The following CORIN variants were observed in gnomAD, a reference collection of about 807,000 sequenced individuals.
The protein encoded by CORIN is corin, serine peptidase.
In CORIN, 117 loss-of-function variants were observed where a neutral mutation model predicts 125.3. The observed-to-expected ratio is 0.93, with a 90% CI of 0.80 to 1.09. The LOEUF (loss-of-function observed/expected upper bound fraction) is 1.09. Among genes scored for constraint, CORIN ranks in the 50% least tolerant of loss-of-function variants. The pLI, the probability that CORIN is intolerant of heterozygous loss-of-function variation, is 0.00. For synonymous variants in CORIN, 450 were observed against 466.4 expected, an observed-to-expected ratio of 0.96 and a Z score of 0.45; for missense variants, 1,253 against 1,306.7, an observed-to-expected ratio of 0.96 and a Z score of 0.63.
intron 16 of CORIN, among the ~76,000 whole-genome samples, chr4:47,639,429 C>G (rs145907651): frequency 7.3e-4 from 111 of 152,238 alleles, no homozygotes; most frequent in African/African-American, 2.5e-3. Context: ...TTTGCATCCT[C>G]GACCCAATGC....
At chr4:47,718,820 G>A (rs1339657089) in intron 5 of CORIN, among the ~76,000 whole-genome samples, 1 of 152,152 alleles carries the variant, frequency 6.6e-6, no homozygotes, top group Admixed American at 6.5e-5. Context: ...CTATTCCTTA[G>A]TCCGTGTTGT....
chr4:47,641,991 T>G lies in CORIN; in HGVS notation c.2127A>C (p.Thr709=). Residue 709 remains threonine, a synonymous_variant, in exon 16 of 22, where the codon ACA becomes ACC. Coordinates refer to ENST00000273857, the MANE Select transcript of CORIN (RefSeq NM_006587.4). ...AGCCATCTGCACACACATGGTGTTC[T>G]GTGGCAGCTCTGTGAACCATCAGAA... ...SSFLMVHRAA[T]EHHVCADGWQ... 1 of 1,613,660 alleles carries G rather than the reference T, an allele frequency of 6.2e-7. No homozygotes were observed. The highest frequency in any genetic ancestry group is 1.1e-5 in the South Asian group (1 of 91,062).
chr4:47,704,224 A>C (rs1726445779), intron 5 of CORIN, among the ~76,000 whole-genome samples: 1 of 152,114 alleles, frequency 6.6e-6, no homozygotes, highest in African/African-American at 2.4e-5. Flanking sequence ...TAACAGGGGA[A>C]AAAAAAATTA....
chr4:47,722,461 G>A (rs1231992081), intron 5 of CORIN, among the ~76,000 whole-genome samples: 1 of 152,052 alleles, frequency 6.6e-6, no homozygotes, highest in Non-Finnish European at 1.5e-5. Flanking sequence ...ACCTGCTATG[G>A]CACATGCTCC....
At chr4:47,663,893 A>G (rs1217642501) in intron 11 of CORIN, among the ~76,000 whole-genome samples, 1 of 152,086 alleles carries the variant, frequency 6.6e-6, no homozygotes, top group Non-Finnish European at 1.5e-5. Context: ...TATTCTCTCT[A>G]TTGGTATAAT....
At chr4:47,626,024 T>C (rs778080005) in intron 17 of CORIN, among the ~76,000 whole-genome samples, 6 of 152,230 alleles carry the variant, frequency 3.9e-5, no homozygotes, top group Non-Finnish European at 7.3e-5. Context: ...TATTCCTCTC[T>C]TAGACATTCC....
intron 4 of CORIN, among the ~76,000 whole-genome samples, chr4:47,757,867 C>CATATATTATGTATAT (rs1453930155): frequency 3.4e-4 from 31 of 91,732 alleles, no homozygotes; most frequent in South Asian, 1.0e-3. Flanking sequence ...CATATATATA[C>CATATATTATGTATAT]ATATATATAT....
intron 19 of CORIN, among the ~76,000 whole-genome samples, chr4:47,610,723 G>A (rs879402446): frequency 2.6e-5 from 4 of 151,898 alleles, no homozygotes; most frequent in African/African-American, 4.8e-5. Flanking sequence ...TTGTAGTTTC[G>A]GGTTTTACAT....
At position 47,623,899 on chromosome 4, in the gene CORIN, C is replaced by T; in HGVS notation, c.2365G>A (p.Asp789Asn). 1 of 1,613,706 alleles carries T rather than the reference C, an allele frequency of 6.2e-7. No homozygotes were observed. Among genetic ancestry groups the T allele is most frequent in the Non-Finnish European group, 8.5e-7 (1 of 1,179,582 alleles). The change falls in exon 18 of 22, where the codon GAC becomes AAC. Residue 789 changes from aspartate to asparagine, a missense_variant and splice_region_variant. Asp to Asn is a conservative substitution (Grantham distance 23, BLOSUM62 1). Coordinates refer to ENST00000273857, the MANE Select transcript of CORIN (RefSeq NM_006587.4). ...ATTGCCACACCTCTAATTCTCTCAC[C>T]TTGTTTAGTACACAGAAGAGAAATT... ...SKISLLCTKQDCGRRPAARMN... is the reference protein window; with the variant it reads ...SKISLLCTKQNCGRRPAARMN...
At chr4:47,798,526 AG>A (rs1731393953) in intron 2 of CORIN, among the ~76,000 whole-genome samples, 1 of 152,144 alleles carries the variant, frequency 6.6e-6, no homozygotes, top group Non-Finnish European at 1.5e-5. Flanking sequence ...CAATTTAATG[AG>A]GTTTTTAAAA....
intron 1 of CORIN, among the ~76,000 whole-genome samples, chr4:47,817,384 C>T (rs906828563): frequency 6.6e-6 from 1 of 151,958 alleles, no homozygotes; most frequent in Non-Finnish European, 1.5e-5. Flanking sequence ...GGTAGAACAA[C>T]ACACATGGAG....
chr4:47,737,657 G>A (rs1235619021), intron 5 of CORIN, among the ~76,000 whole-genome samples: 1 of 152,206 alleles, frequency 6.6e-6, no homozygotes, highest in African/African-American at 2.4e-5. Context: ...CACAAAGGCT[G>A]AAGCTTAATA....
Position 47,693,646 on chromosome 4 carries a change from G to A in CORIN, c.800-563C>T, listed in dbSNP as rs554543419. ...TGAAAATGCCAGTTAAAATGTCAGC[G>A]TCTATTTTGGCATAAGGAACGGGAA... On this transcript the variant is annotated intron_variant, in intron 5 of 21. Coordinates refer to ENST00000273857, the MANE Select transcript of CORIN (RefSeq NM_006587.4). 8.9e-4 allele frequency among the ~76,000 whole-genome samples: 135 copies of A among 152,252 alleles called. 2 individuals are homozygous for A. Among genetic ancestry groups the A allele is most frequent in the Middle Eastern group, 3.4e-3 (1 of 294 alleles).
At chr4:47,808,222 C>G (rs1001325460) in intron 1 of CORIN, among the ~76,000 whole-genome samples, 1 of 152,112 alleles carries the variant, frequency 6.6e-6, no homozygotes, top group Non-Finnish European at 1.5e-5. Flanking sequence ...CCCCCTATGC[C>G]GTACATCACC....
At chr4:47,637,576 C>G (rs1201638146) in intron 16 of CORIN, among the ~76,000 whole-genome samples, 1 of 152,248 alleles carries the variant, frequency 6.6e-6, no homozygotes, top group African/African-American at 2.4e-5. Flanking sequence ...GGCCAAGGTA[C>G]AGCTCAGGAT....
At chr4:47,822,401 T>C (rs1293243225) in intron 1 of CORIN, among the ~76,000 whole-genome samples, 2 of 152,222 alleles carry the variant, frequency 1.3e-5, no homozygotes, top group East Asian at 3.8e-4. Flanking sequence ...CATTGATATA[T>C]TGCAACCACC....
intron 3 of CORIN, among the ~76,000 whole-genome samples, chr4:47,775,718 AC>A (rs1433701240): frequency 6.6e-6 from 1 of 152,172 alleles, no homozygotes; most frequent in Non-Finnish European, 1.5e-5. Flanking sequence ...GGCCAACTCT[AC>A]TGGGAGGTTG....
At chr4:47,703,171 C>G (rs1726388368) in intron 5 of CORIN, among the ~76,000 whole-genome samples, 1 of 152,170 alleles carries the variant, frequency 6.6e-6, no homozygotes, top group African/African-American at 2.4e-5. Context: ...GGTCAGCACT[C>G]CGCTGGAGCC....
intron 1 of CORIN, among the ~76,000 whole-genome samples, chr4:47,822,406 A>G (rs918684829): frequency 6.6e-6 from 1 of 152,234 alleles, no homozygotes; most frequent in African/African-American, 2.4e-5. Context: ...ATATATTGCA[A>G]CCACCTAATT....
Sources: gnomAD v4.1 joint callset for allele counts (sites outside exome capture counted in the v4.1 genomes callset) on GRCh38, gnomAD v4.1.1 for gene constraint, MANE v1.5 for transcripts, NCBI Gene and HGNC (gene_info 2026-07-23, HGNC 2026-07-21) for gene names.